The following MRNIP variants were observed in gnomAD, a reference collection of about 807,000 sequenced individuals.
MRNIP encodes the protein MRN complex interacting protein, also known as MRN complex-interacting protein.
In MRNIP, 30 loss-of-function variants were observed where a neutral mutation model predicts 29.8. That is an observed-to-expected ratio of 1.01 (90% CI 0.75 to 1.36). MRNIP has a LOEUF of 1.36. Ranked by LOEUF, MRNIP falls within the 40% of genes most tolerant of loss-of-function variation. MRNIP has a pLI of 0.00. For synonymous variants in MRNIP, 201 were observed against 164.1 expected, an observed-to-expected ratio of 1.23 and a Z score of -1.72; for missense variants, 459 against 423.5, an observed-to-expected ratio of 1.08 and a Z score of -0.74.
intron 1 of MRNIP, among the ~76,000 whole-genome samples, chr5:179,857,951 C>T (rs953980614): frequency 3.4e-5 from 5 of 146,656 alleles, no homozygotes; most frequent in Non-Finnish European, 7.4e-5. Context: ...GCGGAGGTTG[C>T]GGTGAGCCGA....
chr5:179,838,205 C>A, intron 6 of MRNIP: 1 of 405,348 alleles, frequency 2.5e-6, no homozygotes, highest in Non-Finnish European at 4.5e-6. Flanking sequence ...AGCAGAAGGG[C>A]CTCGAGACAT....
chr5:179,856,765 G>C (rs1360736972), intron 1 of MRNIP, among the ~76,000 whole-genome samples: 5 of 152,164 alleles, frequency 3.3e-5, no homozygotes, highest in Non-Finnish European at 7.3e-5. Flanking sequence ...GAGCCACCGG[G>C]GCCAAGCAAC....
chr5:179,851,827 T>A (rs997546868), intron 2 of MRNIP, among the ~76,000 whole-genome samples: 4 of 151,094 alleles, frequency 2.6e-5, no homozygotes, highest in Non-Finnish European at 4.4e-5. Context: ...AAATACAAAA[T>A]ATTAGCCGGG....
At chr5:179,858,274 G>T (rs1759686032) in intron 1 of MRNIP, among the ~76,000 whole-genome samples, 2 of 152,282 alleles carry the variant, frequency 1.3e-5, no homozygotes, top group South Asian at 4.1e-4. Flanking sequence ...TTATGCGTCG[G>T]CGAACAGCCA....
chr5:179,838,127 A>G, intron 6 of MRNIP: 2 of 577,444 alleles, frequency 3.5e-6, no homozygotes, highest in African/African-American at 1.9e-5. Context: ...AGACATTCTC[A>G]TGTCATCAGG....
At chr5:179,841,774 G>C in intron 5 of MRNIP, 133 bp downstream of exon 5, 1 of 948,434 alleles carries the variant, frequency 1.1e-6, no homozygotes, top group Non-Finnish European at 1.6e-6. Flanking sequence ...GCAGCTGCCC[G>C]ATTTCCCACC....
At chr5:179,856,519 G>C (rs188008877) in intron 1 of MRNIP, among the ~76,000 whole-genome samples, 1 of 152,136 alleles carries the variant, frequency 6.6e-6, no homozygotes, top group Admixed American at 6.5e-5. Flanking sequence ...GCCCAGGCTG[G>C]AGTGCAGTGG....
At chr5:179,842,449 G>C (rs1042092498) in intron 4 of MRNIP, among the ~76,000 whole-genome samples, 1 of 151,542 alleles carries the variant, frequency 6.6e-6, no homozygotes, top group African/African-American at 2.4e-5. Context: ...GGGAGGCCGA[G>C]GCTGGCGGAT....
intron 1 of MRNIP, 87 bp from the exon 2 acceptor site, chr5:179,853,524 C>T (rs1345605711): frequency 1.8e-6 from 2 of 1,137,368 alleles, no homozygotes; most frequent in Admixed American, 3.7e-5. Context: ...TGCCTGTAAT[C>T]CCCCTTTGGG....
At chr5:179,851,287 T>C (rs1464121215) in intron 2 of MRNIP, 2 of 455,994 alleles carry the variant, frequency 4.4e-6, no homozygotes, top group Non-Finnish European at 8.8e-6. Context: ...CCCAGTTGAC[T>C]GGACCAGAGG....
chr5:179,858,387 C>G (rs1465199497), intron 1 of MRNIP, among the ~76,000 whole-genome samples: 1 of 151,802 alleles, frequency 6.6e-6, no homozygotes, highest in Admixed American at 6.6e-5. Flanking sequence ...CGCGCTCGGT[C>G]TCTAAGAACC....
intron 3 of MRNIP, chr5:179,845,699 T>G (rs1040130759): frequency 7.2e-5 from 11 of 151,900 alleles, no homozygotes; most frequent in African/African-American, 2.2e-4. Flanking sequence ...TTTCACCATG[T>G]TGGCCAAGCT....
At chr5:179,844,130 G>A (rs1759027017) in intron 4 of MRNIP, 22 bp downstream of exon 4, 2 of 1,607,782 alleles carry the variant, frequency 1.2e-6, no homozygotes, top group African/African-American at 1.3e-5. Context: ...GCCAGCCTGG[G>A]GCAGGTGGGC....
At chr5:179,845,165 C>T (rs1223467620) in intron 3 of MRNIP, among the ~76,000 whole-genome samples, 3 of 152,092 alleles carry the variant, frequency 2.0e-5, no homozygotes, top group African/African-American at 7.2e-5. Flanking sequence ...TCTTCAGCTG[C>T]ATTTAATCTG....
chr5:179,842,524 AAAC>A (rs1268080356), intron 4 of MRNIP, among the ~76,000 whole-genome samples: 7 of 147,880 alleles, frequency 4.7e-5, no homozygotes, highest in East Asian at 2.0e-4. Context: ...ACTAAAAAAA[AAAC>A]AACAACAAAA....
At chr5:179,849,090 G>A (rs1759246200) in intron 2 of MRNIP, among the ~76,000 whole-genome samples, 2 of 150,606 alleles carry the variant, frequency 1.3e-5, no homozygotes, top group South Asian at 4.2e-4. Context: ...GGCACAGGCA[G>A]ATGGTACGAG....
At chr5:179,851,140 C>A in intron 2 of MRNIP, 2 of 444,098 alleles carry the variant, frequency 4.5e-6, no homozygotes, top group Non-Finnish European at 4.5e-6. Flanking sequence ...ATACCACACA[C>A]AGCACAGAGG....
At chr5:179,854,182 G>C (rs1453751515) in intron 1 of MRNIP, among the ~76,000 whole-genome samples, 3 of 151,516 alleles carry the variant, frequency 2.0e-5, no homozygotes, top group Non-Finnish European at 4.4e-5. Context: ...CACCACGCCT[G>C]GCTAATTTTT....
chr5:179,844,276 G>T, intron 3 of MRNIP, 49 bp from the exon 4 acceptor site: 1 of 1,477,550 alleles, frequency 6.8e-7, no homozygotes, highest in South Asian at 1.1e-5. Context: ...CCAGGGGCTG[G>T]GCACAGTGGC....
Sources: gnomAD v4.1 joint callset for allele counts (sites outside exome capture counted in the v4.1 genomes callset) on GRCh38, gnomAD v4.1.1 for gene constraint, MANE v1.5 for transcripts, NCBI Gene and HGNC (gene_info 2026-07-23, HGNC 2026-07-21) for gene names.